The following PRKCQ variants were observed in gnomAD, a reference collection of about 807,000 sequenced individuals.
PRKCQ encodes protein kinase C theta type.
A neutral mutation model predicts 91.2 loss-of-function variants in PRKCQ; 41 were observed. The observed-to-expected ratio is 0.45, with a 90% CI of 0.35 to 0.58. PRKCQ has a LOEUF of 0.58. Among genes scored for constraint, PRKCQ ranks in the 20% least tolerant of loss-of-function variants. The pLI, the probability that PRKCQ is intolerant of heterozygous loss-of-function variation, is 0.00. For synonymous variants in PRKCQ, 307 were observed against 316.9 expected (o/e 0.97, Z 0.33); for missense variants, 673 against 896.5 (o/e 0.75, Z 3.18).
In PRKCQ at chr10:6,464,330, G is replaced by A. The variant is rs749775445; in HGVS notation, c.1428C>T (p.Phe476=). ...CCTCTTACGTCGCTCTGGAAAGGTC[G>A]AACTTGTGGCAGCTTTGGATGTGGT... ...LMYHIQSCHK[F]DLSRATFYAA... is the part of the protein sequence containing the mutation. The change falls in exon 13 of 18, where the codon TTC becomes TTT. Residue 476 remains phenylalanine (F), a synonymous_variant. Transcript: ENST00000263125. 8 of 1,613,744 alleles carry A rather than the reference G, an allele frequency of 5.0e-6. No homozygotes were observed. The highest frequency in any genetic ancestry group is 1.1e-5 in the South Asian group (1 of 91,042).
At chr10:6,480,144 G>A (rs893945358) in intron 11 of PRKCQ, among the ~76,000 whole-genome samples, 1 of 152,098 alleles carries the variant, frequency 6.6e-6, no homozygotes, top group African/African-American at 2.4e-5. Context: ...ACTTGATTTC[G>A]TGGCTCTCGT....
intron 1 of PRKCQ, among the ~76,000 whole-genome samples, chr10:6,546,851 T>C (rs573295755): frequency 6.6e-6 from 1 of 152,346 alleles, no homozygotes; most frequent in Non-Finnish European, 1.5e-5. Flanking sequence ...CCATTCTGTA[T>C]GATATTGGCT....
At chr10:6,561,214 T>C (rs1251680284) in intron 1 of PRKCQ, among the ~76,000 whole-genome samples, 2 of 150,552 alleles carry the variant, frequency 1.3e-5, no homozygotes, top group Non-Finnish European at 3.0e-5. Flanking sequence ...CTACTAAAAA[T>C]ACAAAAAGTT....
chr10:6,449,669 AG>A (rs1426824101), intron 15 of PRKCQ, among the ~76,000 whole-genome samples: 1 of 152,176 alleles, frequency 6.6e-6, no homozygotes, highest in Admixed American at 6.5e-5. Context: ...AAAAATGTTA[AG>A]GGCAGCCAGA....
At chr10:6,438,456 T>C (rs1246760343) in intron 16 of PRKCQ, among the ~76,000 whole-genome samples, 1 of 152,260 alleles carries the variant, frequency 6.6e-6, no homozygotes, top group Non-Finnish European at 1.5e-5. Flanking sequence ...ATTTTCAATA[T>C]AGCACGAACA....
intron 3 of PRKCQ, among the ~76,000 whole-genome samples, chr10:6,509,702 C>G (rs1292765922): frequency 2.0e-5 from 3 of 152,192 alleles, no homozygotes; most frequent in Non-Finnish European, 4.4e-5. Flanking sequence ...AGCCACCACA[C>G]CCGGCCCCAG....
At chr10:6,539,542 G>A (rs1327567559) in intron 1 of PRKCQ, among the ~76,000 whole-genome samples, 2 of 151,996 alleles carry the variant, frequency 1.3e-5, no homozygotes, top group African/African-American at 4.8e-5. Context: ...CCATCTAGTT[G>A]CAGGAAAACA....
intron 1 of PRKCQ, among the ~76,000 whole-genome samples, chr10:6,522,197 C>CTCCCAAAG (rs1839039885): frequency 6.6e-6 from 1 of 152,178 alleles, no homozygotes; most frequent in Non-Finnish European, 1.5e-5. Context: ...CCGCCTTGGC[C>CTCCCAAAG]TCCCAAAGTG....
intron 16 of PRKCQ, 52 bp downstream of exon 16, chr10:6,441,841 C>A: frequency 6.6e-7 from 1 of 1,517,356 alleles, no homozygotes; most frequent in South Asian, 1.3e-5. Context: ...AGAAAACTGA[C>A]CAGAAGACCT....
intron 12 of PRKCQ, among the ~76,000 whole-genome samples, chr10:6,466,230 T>A (rs1234219320): frequency 6.6e-6 from 1 of 152,224 alleles, no homozygotes; most frequent in Non-Finnish European, 1.5e-5. Context: ...ACACTGTCAA[T>A]TTAGATGTGG....
chr10:6,419,077 A>C, the PRKCQ span, among the ~76,000 whole-genome samples: 1 of 151,846 alleles, frequency 6.6e-6, no homozygotes, highest in Non-Finnish European at 1.5e-5. Context: ...TATTTATTCT[A>C]TCAATCATCT....
At chr10:6,570,712 G>A (rs189199414) in intron 1 of PRKCQ, among the ~76,000 whole-genome samples, 6 of 152,110 alleles carry the variant, frequency 3.9e-5, no homozygotes, top group Middle Eastern at 3.4e-3. Flanking sequence ...GCGCCAGCAC[G>A]CCTGGCTAAT....
At chr10:6,510,965 C>T (rs781093529) in intron 3 of PRKCQ, 30 bp downstream of exon 3, 31 of 1,612,642 alleles carry the variant, frequency 1.9e-5, no homozygotes, top group Non-Finnish European at 2.6e-5. Context: ...ATGCTTATCC[C>T]TTATGTGCAT....
intron 12 of PRKCQ, among the ~76,000 whole-genome samples, chr10:6,467,251 C>A (rs1564323829): frequency 6.6e-6 from 1 of 151,444 alleles, no homozygotes; most frequent in Non-Finnish European, 1.5e-5. Flanking sequence ...TCCTGGGCTG[C>A]CGTTTAGGTT....
intron 1 of PRKCQ, among the ~76,000 whole-genome samples, chr10:6,558,899 C>T (rs868300325): frequency 6.6e-6 from 1 of 152,110 alleles, no homozygotes; most frequent in Non-Finnish European, 1.5e-5. Context: ...ATTGATTCTC[C>T]GGTGAGACAT....
intron 1 of PRKCQ, among the ~76,000 whole-genome samples, chr10:6,543,793 A>C (rs1425101765): frequency 6.6e-6 from 1 of 151,904 alleles, no homozygotes; most frequent in East Asian, 1.9e-4. Context: ...GGTCGGCTGT[A>C]CTCCTTCCAC....
chr10:6,562,392 C>T (rs1157353821), intron 1 of PRKCQ, among the ~76,000 whole-genome samples: 1 of 152,154 alleles, frequency 6.6e-6, no homozygotes, highest in Admixed American at 6.5e-5. Context: ...AGCAGAGAGA[C>T]GCACGCTTCA....
At chr10:6,421,529 C>T in the PRKCQ span, among the ~76,000 whole-genome samples, 1 of 152,140 alleles carries the variant, frequency 6.6e-6, no homozygotes, top group Non-Finnish European at 1.5e-5. This position sits in a 1 kb window ranked among gnomAD's most constrained non-coding sequence, Gnocchi z 4.1. Context: ...CATTTCAAGC[C>T]AACAATAGCT....
intron 1 of PRKCQ, among the ~76,000 whole-genome samples, chr10:6,535,533 C>T (rs1312455770): frequency 6.6e-6 from 1 of 151,966 alleles, no homozygotes; most frequent in Non-Finnish European, 1.5e-5. Context: ...AAAATGGAGT[C>T]ACTTATGTCA....
Sources: gnomAD v4.1 joint callset for allele counts (sites outside exome capture counted in the v4.1 genomes callset) on GRCh38, gnomAD v4.1.1 for gene constraint, Gnocchi (gnomAD v3.1) non-coding constraint, MANE v1.5 for transcripts, NCBI Gene and HGNC (gene_info 2026-07-23, HGNC 2026-07-21) for gene names.